The following EBF2 variants were observed in gnomAD, a reference collection of about 807,000 sequenced individuals.
EBF2 encodes the protein transcription factor COE2.
Under a neutral mutation model 72.8 loss-of-function variants are expected in EBF2, and 21 were observed. That is an observed-to-expected ratio of 0.29 (90% CI 0.20 to 0.42). The LOEUF (loss-of-function observed/expected upper bound fraction) is 0.42. Among genes scored for constraint, EBF2 ranks in the 10% least tolerant of loss-of-function variants. EBF2 has a pLI of 1.00. For missense variants in EBF2, 637 were observed against 731.2 expected (o/e 0.87, Z 1.49); for synonymous variants, 299 against 274.2 (o/e 1.09, Z -0.89).
chr8:25,865,036 C>T (rs1382985790), intron 10 of EBF2, among the ~76,000 whole-genome samples: 5 of 152,164 alleles, frequency 3.3e-5, no homozygotes, highest in Admixed American at 2.0e-4. Flanking sequence ...CTCCTGACCT[C>T]GTGATCCGCC....
Position 25,843,398 on chromosome 8 carries a change from A to AGAG in EBF2, c.*1208_*1210dup, listed in dbSNP as rs1801771099. On this transcript the variant is annotated 3_prime_UTR_variant, in exon 16 of 16. Transcript: ENST00000520164. The stretch of plus-strand genomic sequence containing the variant: ...ACTGACTCTAAAGAGTCCATCAAAC[A>AGAG]GAGTTATCTTCTCCAAACCGTGTTG... The AGAG allele has an allele frequency of 6.6e-6, 1 of 152,270 alleles. No homozygotes were observed. Among genetic ancestry groups the AGAG allele is most frequent in the Non-Finnish European group, 1.5e-5 (1 of 68,094 alleles). 9.4% of individuals were successfully genotyped at this position (152,270 alleles called of 1,614,324 possible). A position where few individuals can be genotyped will look rare whatever the true frequency, so the allele number is the denominator to read the frequency against.
At chr8:25,871,008 C>T (rs1025458169) in intron 10 of EBF2, among the ~76,000 whole-genome samples, 9 of 152,178 alleles carry the variant, frequency 5.9e-5, no homozygotes, top group African/African-American at 2.2e-4. Context: ...GCTGAAAGTA[C>T]TCCAGCTCTG....
intron 14 of EBF2, among the ~76,000 whole-genome samples, chr8:25,852,426 G>T (rs555987012): frequency 6.6e-6 from 1 of 152,118 alleles, no homozygotes; most frequent in East Asian, 1.9e-4. Context: ...CCCAAATGGC[G>T]CCTTGGTTTC....
chr8:26,019,898 A>G (rs1585230222), intron 6 of EBF2, among the ~76,000 whole-genome samples: 1 of 152,154 alleles, frequency 6.6e-6, no homozygotes, highest in Non-Finnish European at 1.5e-5. Context: ...CTGCTTTCCC[A>G]GGGGTTGAGA....
chr8:25,902,731 C>T (rs943618397), intron 7 of EBF2, among the ~76,000 whole-genome samples: 3 of 152,138 alleles, frequency 2.0e-5, no homozygotes, highest in African/African-American at 7.2e-5. Context: ...TCAGCACAGA[C>T]CCAGGAACCA....
chr8:25,968,064 A>G (rs565413088), intron 6 of EBF2, among the ~76,000 whole-genome samples: 3 of 152,302 alleles, frequency 2.0e-5, no homozygotes, highest in African/African-American at 7.2e-5. Flanking sequence ...AAATGTCCCC[A>G]AAGTATAGGC....
At chr8:25,967,186 A>G (rs1353052980) in intron 6 of EBF2, among the ~76,000 whole-genome samples, 1 of 152,232 alleles carries the variant, frequency 6.6e-6, no homozygotes, top group Non-Finnish European at 1.5e-5. Flanking sequence ...GCAGGAAAGG[A>G]AAAGATGAAA....
intron 5 of EBF2, among the ~76,000 whole-genome samples, chr8:26,039,471 C>G (rs1359257275): frequency 6.6e-6 from 1 of 152,178 alleles, no homozygotes; most frequent in Non-Finnish European, 1.5e-5. Context: ...TTCCTTCTGA[C>G]CTGAGAAACT....
intron 7 of EBF2, among the ~76,000 whole-genome samples, chr8:25,895,064 C>A (rs1802845976): frequency 6.6e-6 from 1 of 152,174 alleles, no homozygotes; most frequent in Admixed American, 6.5e-5. Flanking sequence ...ATACAGATGT[C>A]CATAATTTGT....
intron 13 of EBF2, among the ~76,000 whole-genome samples, chr8:25,860,704 A>G (rs1585263211): frequency 6.6e-6 from 1 of 151,892 alleles, no homozygotes; most frequent in East Asian, 1.9e-4. Context: ...TTTTATAGAG[A>G]TGGGTTTTCA....
At chr8:25,874,573 T>C (rs761104406) in intron 10 of EBF2, among the ~76,000 whole-genome samples, 1 of 152,178 alleles carries the variant, frequency 6.6e-6, no homozygotes, top group Non-Finnish European at 1.5e-5. Context: ...CTACTCTGCA[T>C]GTACCTGGGC....
At chr8:25,993,261 T>C (rs780913051) in intron 6 of EBF2, among the ~76,000 whole-genome samples, 2 of 152,192 alleles carry the variant, frequency 1.3e-5, no homozygotes, top group African/African-American at 2.4e-5. Context: ...CATCACTGAA[T>C]AAATTTTTAA....
chr8:25,854,440 C>T (rs901266476), intron 14 of EBF2, among the ~76,000 whole-genome samples: 1 of 151,972 alleles, frequency 6.6e-6, no homozygotes, highest in African/African-American at 2.4e-5. Context: ...TTCCTTCCAC[C>T]CTCTCTTTCA....
chr8:25,947,362 C>T (rs2117164478), intron 6 of EBF2, among the ~76,000 whole-genome samples: 1 of 152,314 alleles, frequency 6.6e-6, no homozygotes, highest in African/African-American at 2.4e-5. Flanking sequence ...TGAGGCCTCC[C>T]TAGCCGTGTG....
intron 6 of EBF2, among the ~76,000 whole-genome samples, chr8:25,960,106 C>G (rs1202470937): frequency 2.0e-5 from 3 of 152,136 alleles, no homozygotes; most frequent in Non-Finnish European, 2.9e-5. Context: ...ACTTCACTGG[C>G]CACCCAGAGA....
rs1804478554 is a variant in EBF2, at chr8:25,987,408, G to A, written c.551+45677C>T. ...CACACAGTTGGTAAGCAGTATGGGA[G>A]CTGACCCCAGGCAGTCTCCAGAGTC... On this transcript the variant is annotated intron_variant, in intron 6 of 15. Coordinates refer to ENST00000520164, the MANE Select transcript of EBF2 (RefSeq NM_022659.4). Among the ~76,000 whole-genome samples, 3 of 152,132 alleles carry A rather than the reference G, an allele frequency of 2.0e-5. No homozygotes were observed. The South Asian group carries it at 6.2e-4, about 32-fold the overall frequency.
chr8:25,993,099 T>C (rs2117211851), intron 6 of EBF2, among the ~76,000 whole-genome samples: 1 of 152,040 alleles, frequency 6.6e-6, no homozygotes, highest in African/African-American at 2.4e-5. Flanking sequence ...ACTGGGAAAG[T>C]GGAAAATCCA....
intron 6 of EBF2, among the ~76,000 whole-genome samples, chr8:26,020,072 T>A (rs995060361): frequency 3.3e-5 from 5 of 152,118 alleles, no homozygotes; most frequent in Admixed American, 2.0e-4. Flanking sequence ...AAGAAAGATG[T>A]GCCCCAACCC....
intron 6 of EBF2, among the ~76,000 whole-genome samples, chr8:26,018,200 C>T (rs1805144475): frequency 2.7e-5 from 4 of 150,744 alleles, no homozygotes; most frequent in Admixed American, 1.3e-4. Flanking sequence ...CTGACAAGCA[C>T]GCTGTCAGTT....
Sources: allele counts gnomAD v4.1 joint callset (sites outside exome capture counted in the v4.1 genomes callset), GRCh38; gene constraint gnomAD v4.1.1; transcripts MANE v1.5; gene names NCBI Gene and HGNC (gene_info 2026-07-23, HGNC 2026-07-21).